APBA2: variants seen among roughly 807,000 people sequenced by gnomAD.
APBA2 encodes the protein amyloid-beta A4 precursor protein-binding family A member 2.
APBA2 carries 30 observed loss-of-function variants against 75.0 expected under a neutral mutation model. The ratio of observed to expected loss-of-function variants is 0.40; its 90% confidence interval spans 0.30 to 0.54. The LOEUF (loss-of-function observed/expected upper bound fraction) is 0.54. Among genes scored for constraint, APBA2 ranks in the 20% least tolerant of loss-of-function variants. The probability of loss-of-function intolerance (pLI) is 0.49; values close to 1 mark genes in which losing one functional copy is unlikely to be tolerated. For missense variants in APBA2, 801 were observed against 1,016.1 expected, an observed-to-expected ratio of 0.79 and a Z score of 2.88; for synonymous variants, 444 against 409.6, an observed-to-expected ratio of 1.08 and a Z score of -1.01.
chr15:28,995,149 G>C (rs568922780), intron 2 of APBA2, among the ~76,000 whole-genome samples: 4 of 152,274 alleles, frequency 2.6e-5, no homozygotes, highest in Admixed American at 2.6e-4. Flanking sequence ...CCCCGAGCCT[G>C]CTGGCAGTAG....
intron 1 of APBA2, among the ~76,000 whole-genome samples, chr15:28,916,079 A>G (rs1595448569): frequency 6.6e-6 from 1 of 151,896 alleles, no homozygotes; most frequent in East Asian, 1.9e-4. Context: ...CCGCCTGCGC[A>G]CCCCCGGCTG....
At position 29,030,729 on chromosome 15, in the gene APBA2, ATGTGTG is replaced by A. The variant is rs60048817; in HGVS notation, c.-40-23086_-40-23081del. On this transcript the variant is annotated intron_variant, in intron 3 of 14. Transcript: ENST00000683413. ...CAGTTTTGGTTAAACCCATGTGAGT[ATGTGTG>A]TGTGTGTGTGTGTGTGTGTGTGTGT... Among the ~76,000 whole-genome samples, 49 of 113,308 alleles carry A rather than the reference ATGTGTG, an allele frequency of 4.3e-4. 1 individual carries two copies. Among genetic ancestry groups the A allele is most frequent in the African/African-American group, 1.1e-3 (37 of 32,474 alleles). 74.3% of individuals were successfully genotyped at this position (113,308 alleles called of 152,430 possible).
At chr15:29,076,864 C>G (rs1474382065) in intron 6 of APBA2, among the ~76,000 whole-genome samples, 1 of 152,150 alleles carries the variant, frequency 6.6e-6, no homozygotes, top group Admixed American at 6.5e-5. Flanking sequence ...CAGCCCTTCC[C>G]ATGCTGCTTT....
intron 1 of APBA2, among the ~76,000 whole-genome samples, chr15:28,914,146 A>G (rs1184141292): frequency 6.6e-6 from 1 of 152,192 alleles, no homozygotes; most frequent in South Asian, 2.1e-4. Flanking sequence ...GAAGGGTCAG[A>G]AATGTTCTCC....
chr15:29,070,072 T>C (rs1363835513), intron 4 of APBA2, among the ~76,000 whole-genome samples: 1 of 152,202 alleles, frequency 6.6e-6, no homozygotes, highest in Admixed American at 6.6e-5. Flanking sequence ...GCTGATGGAC[T>C]CAGCAAATAA....
At chr15:29,004,979 C>T (rs2039038241) in intron 3 of APBA2, among the ~76,000 whole-genome samples, 1 of 152,060 alleles carries the variant, frequency 6.6e-6, no homozygotes, top group Non-Finnish European at 1.5e-5. Context: ...CACGCCCGGC[C>T]AGGGACCTTG....
At chr15:28,947,854 G>A (rs1472948603) in intron 2 of APBA2, among the ~76,000 whole-genome samples, 1 of 152,078 alleles carries the variant, frequency 6.6e-6, no homozygotes, top group Non-Finnish European at 1.5e-5. Context: ...AATGTTTGAA[G>A]TGGAAATTTT....
At chr15:28,911,434 G>A (rs2033423164) in intron 1 of APBA2, among the ~76,000 whole-genome samples, 1 of 152,202 alleles carries the variant, frequency 6.6e-6, no homozygotes, top group South Asian at 2.1e-4. Context: ...TGAACGAGGT[G>A]GCAGCTGGCT....
chr15:28,979,228 C>T (rs2037496768), intron 2 of APBA2, among the ~76,000 whole-genome samples: 1 of 152,164 alleles, frequency 6.6e-6, no homozygotes, highest in South Asian at 2.1e-4. Context: ...GGCTCTTTCT[C>T]TCGGGCCCTA....
chr15:28,993,567 C>T (rs563389004), intron 2 of APBA2, among the ~76,000 whole-genome samples: 4 of 152,076 alleles, frequency 2.6e-5, no homozygotes, highest in Non-Finnish European at 5.9e-5. Flanking sequence ...ACACTCAAAA[C>T]CCGTTCTAAA....
At chr15:29,094,255 T>C (rs1219100721) in intron 7 of APBA2, 23 bp from the exon 8 acceptor site, 5 of 1,614,136 alleles carry the variant, frequency 3.1e-6, no homozygotes, top group Admixed American at 3.3e-5. Context: ...AACTTGTTTT[T>C]CTTTTCTCTT....
At chr15:29,001,455 C>T (rs912692860) in intron 3 of APBA2, among the ~76,000 whole-genome samples, 1 of 152,214 alleles carries the variant, frequency 6.6e-6, no homozygotes. Flanking sequence ...AAGTGGTCCT[C>T]CCACGTGGGC....
At position 29,074,929 on chromosome 15, in the gene APBA2, T is replaced by G. The variant is rs764789330; in HGVS notation, c.960T>G (p.Asn320Lys). The G allele has an allele frequency of 1.5e-5, 24 of 1,614,040 alleles. No homozygotes were observed. Among genetic ancestry groups the G allele is most frequent in the Non-Finnish European group, 1.9e-5 (22 of 1,180,000 alleles). ...AACTTCCCCGTTTCCAGGTTTGCAA[T>G]GGTCTGGAGCAGCCAAGGAAGCAGC... ...RLKWPHEQVCNGLEQPRKQQR... is the reference protein window; with the variant it reads ...RLKWPHEQVCKGLEQPRKQQR... The change falls in exon 5 of 15, where the codon AAT (asparagine) becomes AAG (lysine). Residue 320 changes from asparagine to lysine, a missense_variant. Physicochemically the swap from Asn to Lys is moderately conservative, Grantham distance 94 (BLOSUM62 0). Coordinates refer to ENST00000683413, the MANE Select transcript of APBA2 (RefSeq NM_001353788.2).
At chr15:28,966,877 G>A (rs987333211) in intron 2 of APBA2, among the ~76,000 whole-genome samples, 16 of 152,042 alleles carry the variant, frequency 1.1e-4, no homozygotes, top group Non-Finnish European at 2.1e-4. Flanking sequence ...TCAGCCTACT[G>A]GTGTCAGAGT....
chr15:28,896,978 G>T (rs1321424474), intron 1 of APBA2, among the ~76,000 whole-genome samples: 1 of 152,036 alleles, frequency 6.6e-6, no homozygotes, highest in Non-Finnish European at 1.5e-5. Flanking sequence ...GTCCATTACG[G>T]GTGTTCAAGG....
intron 2 of APBA2, among the ~76,000 whole-genome samples, chr15:28,990,145 C>T (rs958122387): frequency 1.3e-5 from 2 of 152,164 alleles, no homozygotes; most frequent in Non-Finnish European, 2.9e-5. Flanking sequence ...GAAGTTAGCT[C>T]CGCTGGGCGC....
rs75020695 is a variant in APBA2 at position 29,063,746 on chromosome 15, G to C, written c.951+8911G>C. 6.1e-3 allele frequency among the ~76,000 whole-genome samples: 923 copies of C among 150,454 alleles called. 11 individuals carry two copies. Among genetic ancestry groups the C allele is most frequent in the African/African-American group, 0.022 (898 of 40,950 alleles). ...ATGATGATGAGTTTTCAGTCCATGG[G>C]AAGCTCATCGGGTCTGGGGGAGGTG... is the stretch of plus-strand genomic sequence containing the variant. On this transcript the variant is annotated intron_variant, in intron 4 of 14. Coordinates refer to ENST00000683413, the MANE Select transcript of APBA2 (RefSeq NM_001353788.2).
chr15:29,033,220 G>GAC, intron 3 of APBA2, among the ~76,000 whole-genome samples: 1 of 151,690 alleles, frequency 6.6e-6, no homozygotes, highest in African/African-American at 2.4e-5. Flanking sequence ...GTTAGACAAG[G>GAC]CCCACGTCTG....
chr15:29,085,220 G>T (rs2043234563), intron 6 of APBA2, among the ~76,000 whole-genome samples: 1 of 151,712 alleles, frequency 6.6e-6, no homozygotes. Flanking sequence ...TCTCTTTTTT[G>T]AAAAATTTAA....
Sources: gnomAD v4.1 joint callset for allele counts (sites outside exome capture counted in the v4.1 genomes callset) on GRCh38, gnomAD v4.1.1 for gene constraint, MANE v1.5 for transcripts, NCBI Gene and HGNC (gene_info 2026-07-23, HGNC 2026-07-21) for gene names.